SLC30A8: variants seen among roughly 807,000 people sequenced by gnomAD.
SLC30A8 encodes the protein proton-coupled zinc antiporter SLC30A8.
In SLC30A8, 27 loss-of-function variants were observed where a neutral mutation model predicts 36.9. The observed-to-expected ratio is 0.73, with a 90% CI of 0.54 to 1.01. SLC30A8 has a LOEUF of 1.01. Among genes scored for constraint, SLC30A8 ranks in the 50% least tolerant of loss-of-function variants. The pLI is 0.00. For synonymous variants in SLC30A8, 164 were observed against 172.4 expected, an observed-to-expected ratio of 0.95 and a Z score of 0.38; for missense variants, 439 against 452.0, an observed-to-expected ratio of 0.97 and a Z score of 0.26.
chr8:117,124,713 G>A (rs1440744690), intron 2 of SLC30A8, among the ~76,000 whole-genome samples: 1 of 148,738 alleles, frequency 6.7e-6, no homozygotes, highest in Admixed American at 6.7e-5. Flanking sequence ...ATCAAATACT[G>A]TGTGTTCTCA....
intron 4 of SLC30A8, 84 bp from the exon 5 acceptor site, chr8:117,161,654 A>G: frequency 3.0e-6 from 4 of 1,335,162 alleles, no homozygotes; most frequent in Non-Finnish European, 3.1e-6. Flanking sequence ...TGGATAATGC[A>G]TGTTATTGCC....
rs751350884 is a variant in SLC30A8 at position 117,157,816 on chromosome 8, T to C, written c.544T>C (p.Ser182Pro). 124 of 1,614,048 alleles carry C rather than the reference T, an allele frequency of 7.7e-5. No individual in the cohort carries two copies. Among genetic ancestry groups the C allele is most frequent in the Middle Eastern group, 1.6e-4 (1 of 6,082 alleles). Residue 182 changes from serine to proline, a missense_variant, in exon 4 of 8, where the codon TCC becomes CCC. Ser to Pro is a moderately conservative substitution (Grantham distance 74). Coordinates refer to ENST00000456015, the MANE Select transcript of SLC30A8 (RefSeq NM_173851.3). ...QIQATVMIIV[S>P]SCAVAANIVL... ...CCAGGCGACTGTGATGATCATCGTT[T>C]CCAGCTGCGCAGTGGCGGCCAACAT... is the stretch of plus-strand genomic sequence containing the variant.
chr8:117,171,561 A>C (rs1455837757), intron 7 of SLC30A8, among the ~76,000 whole-genome samples: 1 of 152,120 alleles, frequency 6.6e-6, no homozygotes, highest in Admixed American at 6.6e-5. Flanking sequence ...CCTGGCACTG[A>C]AAATAGGAAG....
intron 2 of SLC30A8, among the ~76,000 whole-genome samples, chr8:117,129,186 A>G (rs184333427): frequency 1.6e-4 from 25 of 152,176 alleles, no homozygotes; most frequent in Non-Finnish European, 2.8e-4. Flanking sequence ...AGGACTTTTC[A>G]TCTGGCCAGT....
At chr8:117,029,496 A>C (rs1420391054) in intron 1 of SLC30A8, among the ~76,000 whole-genome samples, 1 of 152,208 alleles carries the variant, frequency 6.6e-6, no homozygotes, top group African/African-American at 2.4e-5. Flanking sequence ...CACAGAAACT[A>C]TTTGAATAAT....
At chr8:117,011,825 A>G (rs770060823) in intron 1 of SLC30A8, among the ~76,000 whole-genome samples, 1 of 152,234 alleles carries the variant, frequency 6.6e-6, no homozygotes, top group African/African-American at 2.4e-5. Flanking sequence ...CAGGACTACT[A>G]CGTGAGAAAT....
chr8:117,099,812 A>G (rs1819631513), intron 2 of SLC30A8, among the ~76,000 whole-genome samples: 1 of 152,204 alleles, frequency 6.6e-6, no homozygotes, highest in Non-Finnish European at 1.5e-5. Context: ...ATTAAATGAG[A>G]TGACATGTAT....
chr8:116,959,278 T>C (rs1814332938), intron 1 of SLC30A8, among the ~76,000 whole-genome samples: 1 of 152,250 alleles, frequency 6.6e-6, no homozygotes, highest in South Asian at 2.1e-4. Context: ...ATTATACTTT[T>C]GATCTCCCAC....
At chr8:117,163,281 C>A in intron 5 of SLC30A8, 144 bp from the exon 6 acceptor site, 1 of 554,728 alleles carries the variant, frequency 1.8e-6, no homozygotes, top group Non-Finnish European at 3.1e-6. Context: ...CAAAGTCTTC[C>A]CTCTCAGTTG....
chr8:117,015,046 A>G (rs60855673), intron 1 of SLC30A8, among the ~76,000 whole-genome samples: 1,537 of 151,420 alleles, frequency 0.01, 22 homozygotes, highest in African/African-American at 0.034. Flanking sequence ...CCGAGAGCTG[A>G]AACCAGAATT....
chr8:116,951,175 T>A (rs1358802447), intron 1 of SLC30A8: 1 of 152,158 alleles, frequency 6.6e-6, no homozygotes, highest in African/African-American at 2.4e-5. Context: ...ACTTGTAGAG[T>A]AAGGCATCGA....
chr8:117,142,621 C>T (rs1183397617), intron 1 of SLC30A8, among the ~76,000 whole-genome samples: 1 of 152,110 alleles, frequency 6.6e-6, no homozygotes, highest in Non-Finnish European at 1.5e-5. Context: ...TGTCTTTGGG[C>T]ATTTGCTCCA....
At chr8:116,999,291 A>G (rs1815926297) in intron 1 of SLC30A8, among the ~76,000 whole-genome samples, 1 of 151,802 alleles carries the variant, frequency 6.6e-6, no homozygotes, top group African/African-American at 2.4e-5. Flanking sequence ...AAACTGACAT[A>G]TGCCTCACAC....
rs115450933 is a variant in SLC30A8 at position 117,095,654 on chromosome 8, G to A, written c.-225-39626G>A. On this transcript the variant is annotated intron_variant, in intron 2 of 10. Transcript: ENST00000427715. Reference sequence around the variant, plus strand: ...AATAGGGAGATGGTCAAAGCCTCCCGATAAAGCTTCCCCAGAATCCATTGC... The same window carrying A: ...AATAGGGAGATGGTCAAAGCCTCCCAATAAAGCTTCCCCAGAATCCATTGC... 4.6e-3 allele frequency among the ~76,000 whole-genome samples: 704 copies of A among 152,172 alleles called. 5 individuals carry two copies. Among genetic ancestry groups the A allele is most frequent in the African/African-American group, 0.016 (674 of 41,518 alleles).
intron 2 of SLC30A8, among the ~76,000 whole-genome samples, chr8:117,096,289 A>G (rs1819359247): frequency 1.3e-5 from 2 of 152,182 alleles, no homozygotes; most frequent in African/African-American, 4.8e-5. Context: ...TTGCTAACCA[A>G]TAGAGGCACT....
rs2130965851 is a variant in SLC30A8, at chr8:117,147,007, C to G, written c.125C>G (p.Pro42Arg). Reference protein sequence around the residue: ...VNKDQCPRERPEELESGGMYH... With the variant: ...VNKDQCPRERREELESGGMYH... ...AAAGATCAGTGTCCCAGAGAGAGAC[C>G]AGAGGAGCTGGAGTCAGGAGGCATG... is the stretch of plus-strand genomic sequence containing the variant. Residue 42 changes from proline (P) to arginine (R), a missense_variant, in exon 2 of 8, where the codon CCA becomes CGA. Coordinates refer to ENST00000456015, the MANE Select transcript of SLC30A8 (RefSeq NM_173851.3). 2 of 1,613,984 alleles carry G rather than the reference C, an allele frequency of 1.2e-6. No individual in the cohort carries two copies. Among genetic ancestry groups the G allele is most frequent in the East Asian group, 4.5e-5 (2 of 44,860 alleles).
intron 1 of SLC30A8, among the ~76,000 whole-genome samples, chr8:116,977,657 G>A (rs780931759): frequency 2.0e-5 from 3 of 151,674 alleles, no homozygotes; most frequent in South Asian, 2.1e-4. Context: ...GACTACAGGC[G>A]TGTGTCACCA....
At chr8:116,963,062 G>A (rs1006538965) in intron 1 of SLC30A8, among the ~76,000 whole-genome samples, 5 of 149,100 alleles carry the variant, frequency 3.4e-5, no homozygotes, top group African/African-American at 1.2e-4. Flanking sequence ...GCCTGGGAGT[G>A]GAAGAGGTCA....
intron 1 of SLC30A8, chr8:117,017,927 T>C (rs962892397): frequency 6.6e-6 from 1 of 152,210 alleles, no homozygotes; most frequent in African/African-American, 2.4e-5. Context: ...CTTGTAACCA[T>C]ATTTGAAAAG....
Sources: gnomAD v4.1 joint callset for allele counts (sites outside exome capture counted in the v4.1 genomes callset) on GRCh38, gnomAD v4.1.1 for gene constraint, MANE v1.5 for transcripts, NCBI Gene and HGNC (gene_info 2026-07-23, HGNC 2026-07-21) for gene names.